SHISA6: variants seen among roughly 807,000 people sequenced by gnomAD.
SHISA6 encodes shisa family member 6.
Under a neutral mutation model 47.9 loss-of-function variants are expected in SHISA6, and 22 were observed. The observed-to-expected ratio is 0.46, with a 90% CI of 0.33 to 0.66. The LOEUF (loss-of-function observed/expected upper bound fraction) is 0.66, where lower values mean the gene tolerates loss of function less well. Ranked by LOEUF, SHISA6 falls within the 30% of genes least tolerant of loss-of-function variation. SHISA6 has a pLI of 0.02. For synonymous variants in SHISA6, 388 were observed against 337.8 expected (o/e 1.15, Z -1.63); for missense variants, 680 against 764.6 (o/e 0.89, Z 1.30).
intron 3 of SHISA6, among the ~76,000 whole-genome samples, chr17:11,506,951 G>C (rs1026696544): frequency 6.6e-6 from 1 of 152,112 alleles, no homozygotes; most frequent in Non-Finnish European, 1.5e-5. Context: ...AATAGTCAAG[G>C]CTGTCTGCTA....
At chr17:11,333,496 C>A (rs2142206642) in intron 2 of SHISA6, among the ~76,000 whole-genome samples, 1 of 152,116 alleles carries the variant, frequency 6.6e-6, no homozygotes, top group African/African-American at 2.4e-5. Context: ...TGTTCTTCTT[C>A]TTCTTCTTCT....
intron 3 of SHISA6, among the ~76,000 whole-genome samples, chr17:11,485,902 G>A (rs773384077): frequency 1.3e-5 from 2 of 152,016 alleles, no homozygotes; most frequent in East Asian, 1.9e-4. Flanking sequence ...CAGCGCTGTT[G>A]ATTTCTGTCT....
At chr17:11,353,704 C>T (rs1161765207) in intron 2 of SHISA6, among the ~76,000 whole-genome samples, 1 of 152,064 alleles carries the variant, frequency 6.6e-6, no homozygotes, top group Non-Finnish European at 1.5e-5. Context: ...CTGTGATAAA[C>T]AGGAAGAAAA....
chr17:11,334,643 G>A (rs565668120), intron 2 of SHISA6, among the ~76,000 whole-genome samples: 1 of 152,334 alleles, frequency 6.6e-6, no homozygotes, highest in East Asian at 1.9e-4. Flanking sequence ...CTATCGGGGG[G>A]AGGGAGACTG....
At chr17:11,485,016 G>A (rs1290367510) in intron 3 of SHISA6, among the ~76,000 whole-genome samples, 1 of 152,096 alleles carries the variant, frequency 6.6e-6, no homozygotes, top group East Asian at 1.9e-4. Flanking sequence ...CTTAAAACTG[G>A]CATGCATTTG....
At chr17:11,482,834 G>A (rs890278210) in intron 3 of SHISA6, among the ~76,000 whole-genome samples, 4 of 152,074 alleles carry the variant, frequency 2.6e-5, no homozygotes, top group Non-Finnish European at 2.9e-5. Flanking sequence ...ATTAGGTACT[G>A]CTTCATTAAT....
intron 3 of SHISA6, among the ~76,000 whole-genome samples, chr17:11,516,672 G>C (rs1016247806): frequency 2.0e-5 from 3 of 152,150 alleles, no homozygotes; most frequent in African/African-American, 7.2e-5. Context: ...CTGCTCAATG[G>C]AGCCAGTAGA....
intron 2 of SHISA6, among the ~76,000 whole-genome samples, chr17:11,371,715 A>T (rs1324919373): frequency 4.0e-5 from 6 of 151,894 alleles, no homozygotes; most frequent in African/African-American, 1.5e-4. Flanking sequence ...GTTGTTTTCA[A>T]ATTAAAAAGT....
At chr17:11,431,261 A>G (rs1156828351) in intron 3 of SHISA6, among the ~76,000 whole-genome samples, 1 of 152,132 alleles carries the variant, frequency 6.6e-6, no homozygotes, top group African/African-American at 2.4e-5. Context: ...CAGAATTCCT[A>G]GGTGGATACA....
chr17:11,432,692 A>G (rs1315431543), intron 3 of SHISA6, among the ~76,000 whole-genome samples: 1 of 152,210 alleles, frequency 6.6e-6, no homozygotes, highest in Non-Finnish European at 1.5e-5. Context: ...CATTCATACA[A>G]TAACATATGT....
chr17:11,246,440 A>C (rs561495110), intron 1 of SHISA6, among the ~76,000 whole-genome samples: 1 of 152,338 alleles, frequency 6.6e-6, no homozygotes, highest in African/African-American at 2.4e-5. Context: ...TAGTGAGCCA[A>C]GATCGCACCA....
chr17:11,306,722 CA>C, intron 2 of SHISA6, among the ~76,000 whole-genome samples: 1 of 152,302 alleles, frequency 6.6e-6, no homozygotes, highest in Middle Eastern at 3.4e-3. Flanking sequence ...AATAAATTCC[CA>C]CAGATGACTT....
chr17:11,376,151 C>T (rs1912790505), intron 2 of SHISA6, among the ~76,000 whole-genome samples: 1 of 152,118 alleles, frequency 6.6e-6, no homozygotes, highest in Non-Finnish European at 1.5e-5. Context: ...GACTGCAGGA[C>T]AAGGAAGGGG....
At chr17:11,450,602 T>C (rs1368052761) in intron 3 of SHISA6, among the ~76,000 whole-genome samples, 1 of 151,852 alleles carries the variant, frequency 6.6e-6, no homozygotes, top group Admixed American at 6.6e-5. Context: ...GATGTTGCAG[T>C]GAGCCAATAT....
intron 2 of SHISA6, among the ~76,000 whole-genome samples, chr17:11,334,104 A>G (rs1398587164): frequency 6.6e-6 from 1 of 152,132 alleles, no homozygotes; most frequent in Non-Finnish European, 1.5e-5. Flanking sequence ...ATTACTGAGC[A>G]TGAAGATGGG....
At chr17:11,491,369 C>T (rs1321072129) in intron 3 of SHISA6, among the ~76,000 whole-genome samples, 3 of 152,210 alleles carry the variant, frequency 2.0e-5, no homozygotes, top group South Asian at 2.1e-4. Flanking sequence ...GGGACAATCA[C>T]GGCCCACTGC....
chr17:11,273,203 G>A (rs553427062), intron 2 of SHISA6, among the ~76,000 whole-genome samples: 1 of 152,342 alleles, frequency 6.6e-6, no homozygotes, highest in African/African-American at 2.4e-5. Context: ...CAGCCAGGAG[G>A]GGGTGCTGAC....
At chr17:11,259,535 T>C (rs1044148984) in intron 1 of SHISA6, among the ~76,000 whole-genome samples, 1 of 152,356 alleles carries the variant, frequency 6.6e-6, no homozygotes, top group Non-Finnish European at 1.5e-5. Context: ...ACTTGCCATT[T>C]TAAGCACTAG....
intron 1 of SHISA6, among the ~76,000 whole-genome samples, chr17:11,262,427 C>T (rs1260823482): frequency 6.6e-6 from 1 of 152,194 alleles, no homozygotes; most frequent in Non-Finnish European, 1.5e-5. Flanking sequence ...TTTCTTGTGG[C>T]TGTCCACACT....
Sources: allele counts gnomAD v4.1 joint callset (sites outside exome capture counted in the v4.1 genomes callset), GRCh38; gene constraint gnomAD v4.1.1; transcripts MANE v1.5; gene names NCBI Gene and HGNC (gene_info 2026-07-23, HGNC 2026-07-21).